Variants in ZIC4 observed in about 807,000 individuals in gnomAD.
The protein encoded by ZIC4 is zinc finger protein ZIC 4.
A neutral mutation model predicts 28.8 loss-of-function variants in ZIC4; 15 were observed. That is an observed-to-expected ratio of 0.52 (90% CI 0.35 to 0.80). The LOEUF (loss-of-function observed/expected upper bound fraction) is 0.80. ZIC4 is among the 30% of genes least tolerant of loss of function. The pLI is 0.01. For missense variants in ZIC4, 512 were observed against 467.1 expected (o/e 1.10, Z -0.89); for synonymous variants, 220 against 198.1 (o/e 1.11, Z -0.93).
intron 3 of ZIC4, chr3:147,391,989 T>C: frequency 2.0e-6 from 2 of 985,324 alleles, no homozygotes; most frequent in Non-Finnish European, 2.4e-6. Flanking sequence ...CCGGGATCCC[T>C]CCAGATACGC....
intron 3 of ZIC4, chr3:147,394,085 G>A (rs1471051176): frequency 5.1e-6 from 2 of 393,424 alleles, no homozygotes; most frequent in East Asian, 1.6e-4. Context: ...TTTGTAGTGA[G>A]GTCTATTGCC....
rs547993927 is a variant in ZIC4, at chr3:147,388,655, T to C, written c.*204A>G. 8.8e-6 allele frequency: 5 copies of C among 571,026 alleles called. No homozygotes were observed. The South Asian group carries it at 1.3e-4, about 14-fold the overall frequency. 35.4% of individuals were successfully genotyped at this position (571,026 alleles called of 1,614,324 possible). ...TTAGACGTAAATATTATGTCCTTAA[T>C]GAAAAGCCTGGACGGGCTCCAGGCT... is the stretch of plus-strand genomic sequence containing the variant. On this transcript the variant is annotated 3_prime_UTR_variant, in exon 5 of 5. Transcript: ENST00000383075.
intron 1 of ZIC4, chr3:147,403,906 C>A: frequency 1.3e-6 from 2 of 1,481,842 alleles, no homozygotes; most frequent in Non-Finnish European, 1.8e-6. Context: ...GCGGCTTTTA[C>A]CCTTCCATCT....
chr3:147,398,810 A>T (rs555991918), intron 2 of ZIC4, among the ~76,000 whole-genome samples: 11 of 152,112 alleles, frequency 7.2e-5, no homozygotes, highest in Non-Finnish European at 1.0e-4. Flanking sequence ...AATTGACTGA[A>T]CTGCCCCTCC....
intron 1 of ZIC4, chr3:147,404,292 T>G: frequency 7.1e-7 from 1 of 1,417,400 alleles, no homozygotes; most frequent in Non-Finnish European, 9.2e-7. Context: ...CTCTCCCAGG[T>G]CCTGTCAGCC....
chr3:147,393,837 C>G (rs968744124), intron 3 of ZIC4: 6 of 455,156 alleles, frequency 1.3e-5, no homozygotes, highest in Non-Finnish European at 2.7e-5. Flanking sequence ...GTTGCTGGCC[C>G]GCGCCTCCCT....
At chr3:147,403,657 C>A in intron 1 of ZIC4, 1 of 205,616 alleles carries the variant, frequency 4.9e-6, no homozygotes, top group Non-Finnish European at 9.7e-6. Flanking sequence ...CGGCCCCCAC[C>A]CTCAATTTGG....
intron 1 of ZIC4, among the ~76,000 whole-genome samples, chr3:147,403,061 T>C (rs2087201929): frequency 6.6e-6 from 1 of 152,198 alleles, no homozygotes; most frequent in South Asian, 2.1e-4. Flanking sequence ...AGGCTTTTAT[T>C]TGAAACTCCT....
At chr3:147,395,539 A>G (rs2107973169) in intron 3 of ZIC4, among the ~76,000 whole-genome samples, 1 of 152,302 alleles carries the variant, frequency 6.6e-6, no homozygotes, top group Admixed American at 6.5e-5. Flanking sequence ...ACTTTGGGGA[A>G]CAATGCTGTT....
intron 2 of ZIC4, among the ~76,000 whole-genome samples, chr3:147,398,086 C>A (rs2087087006): frequency 6.6e-6 from 1 of 152,140 alleles, no homozygotes; most frequent in Non-Finnish European, 1.5e-5. Flanking sequence ...AGGACTCTCC[C>A]CGCCACAAGT....
At chr3:147,394,856 A>G (rs1008680537) in intron 3 of ZIC4, among the ~76,000 whole-genome samples, 25 of 152,202 alleles carry the variant, frequency 1.6e-4, no homozygotes, top group Non-Finnish European at 1.0e-4. Flanking sequence ...TTTGACTCCA[A>G]CAATTGTCGA....
intron 1 of ZIC4, chr3:147,403,957 G>A: frequency 6.5e-7 from 1 of 1,536,492 alleles, no homozygotes; most frequent in Non-Finnish European, 8.7e-7. Context: ...CAGGGGGGTA[G>A]ACTCACCTTT....
chr3:147,392,399 C>A (rs956452961), intron 3 of ZIC4: 9 of 985,370 alleles, frequency 9.1e-6, no homozygotes, highest in Non-Finnish European at 1.1e-5. Context: ...ATTGGCCGGA[C>A]CGAGCCCCAA....
intron 3 of ZIC4, chr3:147,391,533 G>GA: frequency 3.1e-6 from 1 of 326,896 alleles, no homozygotes; most frequent in Non-Finnish European, 5.5e-6. Flanking sequence ...TTCCATCCTC[G>GA]AAAATCCTGA....
intron 2 of ZIC4, among the ~76,000 whole-genome samples, chr3:147,400,722 G>A (rs1453544983): frequency 6.6e-6 from 1 of 152,174 alleles, no homozygotes; most frequent in East Asian, 1.9e-4. Flanking sequence ...AGGTGATGGG[G>A]CATCAACAAC....
intron 3 of ZIC4, chr3:147,393,868 G>C (rs1425065660): frequency 2.2e-6 from 1 of 456,590 alleles, no homozygotes; most frequent in Non-Finnish European, 4.4e-6. Context: ...CCATTGTTCC[G>C]GGATCGCTGT....
chr3:147,397,278 G>A (rs2087068625), intron 2 of ZIC4: 1 of 152,180 alleles, frequency 6.6e-6, no homozygotes, highest in Non-Finnish European at 1.5e-5. Context: ...CCATTGGCCC[G>A]CGGCCGGGTC....
rs1559965425 is a variant in ZIC4 at position 147,402,737 on chromosome 3, T to C, written c.61A>G (p.Lys21Glu). ...GAGGATTTTAACTTACTTGACTCTT[T>C]AAGAGTGTTTCGGTAAAGCCGTAAT... ...KRLRLYRNTL[K>E]ESSSSSGHHG... The change falls in exon 2 of 5, where the codon AAA (lysine) becomes GAA (glutamate). Residue 21 changes from lysine to glutamate, a missense_variant. By Grantham distance (56) the Lys-to-Glu change is moderately conservative. Around this residue, in one of 3 missense-constraint regions of ZIC4, gnomAD observed 310 missense variants for 256.5 expected, o/e 1.21. Transcript: ENST00000383075. 1 of 1,613,472 alleles carries C rather than the reference T, an allele frequency of 6.2e-7. No individual in the cohort carries two copies. Among genetic ancestry groups the C allele is most frequent in the East Asian group, 2.2e-5 (1 of 44,860 alleles).
At chr3:147,391,372 C>G (rs772727934) in intron 3 of ZIC4, 126 bp from the exon 4 acceptor site, 78 of 1,280,288 alleles carry the variant, frequency 6.1e-5, no homozygotes, top group Non-Finnish European at 8.0e-5. Context: ...AAATCCCTTT[C>G]CACGGCGCCT....
Sources: gnomAD v4.1 joint callset for allele counts (sites outside exome capture counted in the v4.1 genomes callset) on GRCh38, gnomAD v4.1.1 for gene constraint, gnomAD v4.1.1 regional missense constraint, MANE v1.5 for transcripts, NCBI Gene and HGNC (gene_info 2026-07-23, HGNC 2026-07-21) for gene names.